Variants in CNTNAP2 observed in about 807,000 individuals in gnomAD.
CNTNAP2 encodes contactin-associated protein-like 2.
A neutral mutation model predicts 155.2 loss-of-function variants in CNTNAP2; 98 were observed. The ratio of observed to expected loss-of-function variants is 0.63; its 90% CI spans 0.54 to 0.75. The LOEUF (loss-of-function observed/expected upper bound fraction) is 0.75, where lower values mean the gene tolerates loss of function less well. Ranked by LOEUF, CNTNAP2 falls within the 30% of genes least tolerant of loss-of-function variation. The pLI, the probability that CNTNAP2 is intolerant of heterozygous loss-of-function variation, is 0.00. For synonymous variants in CNTNAP2, 651 were observed against 631.2 expected, an observed-to-expected ratio of 1.03 and a Z score of -0.47; for missense variants, 1,727 against 1,688.1, an observed-to-expected ratio of 1.02 and a Z score of -0.40.
chr7:148,336,271 A>G (rs1320153382), intron 21 of CNTNAP2, among the ~76,000 whole-genome samples: 2 of 152,232 alleles, frequency 1.3e-5, no homozygotes, highest in Non-Finnish European at 1.5e-5. Context: ...GTCCTTATTT[A>G]ATACAAATAG....
intron 3 of CNTNAP2, among the ~76,000 whole-genome samples, chr7:146,996,324 C>G (rs1355580655): frequency 4.0e-5 from 6 of 151,886 alleles, no homozygotes; most frequent in Non-Finnish European, 7.4e-5. Context: ...GACATTTTAA[C>G]AATATTACTA....
intron 1 of CNTNAP2, among the ~76,000 whole-genome samples, chr7:146,486,435 G>A (rs1447533896): frequency 1.3e-5 from 2 of 152,098 alleles, no homozygotes; most frequent in African/African-American, 2.4e-5. Context: ...TGCTAGGGTT[G>A]TTTTAAAGCA....
intron 3 of CNTNAP2, among the ~76,000 whole-genome samples, chr7:147,033,798 G>GAA (rs71525985): frequency 2.2e-3 from 263 of 118,898 alleles, no homozygotes; most frequent in African/African-American, 7.0e-3. Flanking sequence ...GTGAAGAGGG[G>GAA]AAAAAAAAAA....
intron 3 of CNTNAP2, among the ~76,000 whole-genome samples, chr7:146,850,025 T>C (rs1207544147): frequency 1.3e-5 from 2 of 152,190 alleles, no homozygotes; most frequent in Non-Finnish European, 2.9e-5. Flanking sequence ...TAGTCAGTGT[T>C]GACTTTGGGA....
At chr7:147,058,143 G>T (rs941668296) in intron 4 of CNTNAP2, among the ~76,000 whole-genome samples, 8 of 152,028 alleles carry the variant, frequency 5.3e-5, no homozygotes, top group Non-Finnish European at 1.0e-4. Flanking sequence ...TTTCAACCAG[G>T]ATCAATTTGA....
intron 9 of CNTNAP2, chr7:147,378,182 G>A: frequency 3.4e-6 from 1 of 296,016 alleles, no homozygotes; most frequent in East Asian, 9.9e-5. Context: ...TTAAATTTCT[G>A]AATGACATTG....
At chr7:147,065,983 T>A (rs568194093) in intron 4 of CNTNAP2, among the ~76,000 whole-genome samples, 19 of 151,982 alleles carry the variant, frequency 1.3e-4, no homozygotes, top group African/African-American at 3.9e-4. Flanking sequence ...AACTCTGAAG[T>A]ATAAAAAAGG....
intron 11 of CNTNAP2, among the ~76,000 whole-genome samples, chr7:147,521,657 T>A (rs1319792428): frequency 6.6e-6 from 1 of 152,114 alleles, no homozygotes; most frequent in Non-Finnish European, 1.5e-5. Context: ...GACGAGTCAT[T>A]CTCTGCCTGT....
chr7:147,516,617 AATGTG>A (rs1799132173), intron 11 of CNTNAP2, among the ~76,000 whole-genome samples: 3 of 86,174 alleles, frequency 3.5e-5, no homozygotes, highest in Non-Finnish European at 2.5e-5. Flanking sequence ...AGAGAGAGAG[AATGTG>A]TGTGTGTGTG....
intron 1 of CNTNAP2, among the ~76,000 whole-genome samples, chr7:146,255,439 G>A (rs1011137048): frequency 1.3e-5 from 2 of 152,204 alleles, no homozygotes; most frequent in African/African-American, 4.8e-5. Context: ...ATAAGCAGTA[G>A]AGGCTGACTT....
intron 3 of CNTNAP2, among the ~76,000 whole-genome samples, chr7:146,879,186 C>T (rs1312773489): frequency 6.6e-6 from 1 of 152,138 alleles, no homozygotes; most frequent in African/African-American, 2.4e-5. Context: ...TCACTGCATA[C>T]TTGATTTGAT....
At chr7:146,701,121 A>G (rs1270889888) in intron 1 of CNTNAP2, among the ~76,000 whole-genome samples, 4 of 152,202 alleles carry the variant, frequency 2.6e-5, no homozygotes, top group Non-Finnish European at 4.4e-5. Flanking sequence ...AGTAGAAAAA[A>G]TAAATAAAAC....
In CNTNAP2 at chr7:147,042,299, A is replaced by G. The variant is rs145324007; in HGVS notation, c.403-1608A>G. Among the ~76,000 whole-genome samples, 417 of 152,344 alleles carry G rather than the reference A, an allele frequency of 2.7e-3. 1 individual carries two copies. Among genetic ancestry groups the G allele is most frequent in the Middle Eastern group, 0.02 (6 of 294 alleles). ...AAACATGTAATTGTCCATGTTATAG[A>G]CTAAATATTATCCATTATGTGGATT... On this transcript the variant is annotated intron_variant, in intron 3 of 23. Transcript: ENST00000361727.
At chr7:147,534,836 C>T (rs746454058) in intron 11 of CNTNAP2, among the ~76,000 whole-genome samples, 3 of 152,216 alleles carry the variant, frequency 2.0e-5, no homozygotes, top group Non-Finnish European at 2.9e-5. Context: ...CCTGACTTCT[C>T]GCCCTTACAC....
intron 12 of CNTNAP2, among the ~76,000 whole-genome samples, chr7:147,611,040 C>T (rs1409395969): frequency 1.3e-5 from 2 of 151,978 alleles, no homozygotes; most frequent in South Asian, 2.1e-4. Flanking sequence ...ACGCCTGGCC[C>T]ATTTAGCATA....
intron 1 of CNTNAP2, among the ~76,000 whole-genome samples, chr7:146,325,107 T>C (rs911532666): frequency 2.0e-5 from 3 of 152,038 alleles, no homozygotes; most frequent in Admixed American, 6.6e-5. Flanking sequence ...TTTTGTTTTT[T>C]TTCTTTAGAG....
rs571967760 is a variant in CNTNAP2 at position 146,330,694 on chromosome 7, G to A, written c.97+213721G>A. ...CAGAAAGACCAAAAACCCTGAGGCT[G>A]GTTTATACTTGGCTGTTGGAGGAAA... On this transcript the variant is annotated intron_variant, in intron 1 of 23. Coordinates refer to ENST00000361727, the MANE Select transcript of CNTNAP2 (RefSeq NM_014141.6). Among the ~76,000 whole-genome samples, 99 of 152,272 alleles carry A rather than the reference G, an allele frequency of 6.5e-4. 2 individuals carry two copies. The South Asian group carries it at 0.019, about 30-fold the overall frequency.
intron 21 of CNTNAP2, among the ~76,000 whole-genome samples, chr7:148,377,519 G>A: frequency 1.5e-5 from 1 of 67,414 alleles, no homozygotes; most frequent in South Asian, 4.1e-4. Context: ...CAGATTTTCA[G>A]GTAATAGTAC....
intron 3 of CNTNAP2, among the ~76,000 whole-genome samples, chr7:147,021,793 T>C (rs552284009): frequency 1.3e-5 from 2 of 152,304 alleles, no homozygotes; most frequent in Admixed American, 6.5e-5. Context: ...GTTTTTCTCC[T>C]AAGCTTTTAA....
Sources: allele counts gnomAD v4.1 joint callset (sites outside exome capture counted in the v4.1 genomes callset), GRCh38; gene constraint gnomAD v4.1.1; transcripts MANE v1.5; gene names NCBI Gene and HGNC (gene_info 2026-07-23, HGNC 2026-07-21).